CELSR1: variants seen among roughly 807,000 people sequenced by gnomAD.
CELSR1 encodes the protein adhesion G protein-coupled receptor C1.
Under a neutral mutation model 249.1 loss-of-function variants are expected in CELSR1, and 110 were observed. That is an observed-to-expected ratio of 0.44 (90% CI 0.38 to 0.52). The LOEUF is 0.52. CELSR1 is among the 20% of genes least tolerant of loss of function. The pLI is 0.00. For synonymous variants in CELSR1, 2,113 were observed against 1,900.0 expected, an observed-to-expected ratio of 1.11 and a Z score of -2.92; for missense variants, 4,109 against 4,296.4, an observed-to-expected ratio of 0.96 and a Z score of 1.22.
In CELSR1 at chr22:46,372,138, AC is replaced by A. The variant is rs574525119; in HGVS notation, c.7759+744del. On this transcript the variant is annotated intron_variant, in intron 25 of 34. Transcript: ENST00000674500. ...CACTCATTCCTCCATCCACCCATTC[AC>A]CCCCATCCATCCATCATCTACCCAC... Among the ~76,000 whole-genome samples, 51 of 126,920 alleles carry A rather than the reference AC, an allele frequency of 4.0e-4. 1 individual carries two copies. In the South Asian group the frequency reaches 0.014, roughly 34 times the overall value. 83.3% of individuals were successfully genotyped at this position (126,920 alleles called of 152,430 possible).
chr22:46,474,198 G>A (rs1241330164), intron 1 of CELSR1, among the ~76,000 whole-genome samples: 1 of 152,178 alleles, frequency 6.6e-6, no homozygotes, highest in Admixed American at 6.5e-5. Flanking sequence ...GCAGGGCTGG[G>A]GAGAGCAGAG....
At position 46,409,256 on chromosome 22, in the gene CELSR1, C is replaced by A. The variant is rs1026541916; in HGVS notation, c.5060-94G>T. On this transcript the variant is annotated intron_variant, in intron 8 of 34. Transcript: ENST00000674500. This position sits in a 1 kb window ranked among gnomAD's most constrained non-coding sequence, Gnocchi z 9.8. ...GCGGGGGATGGGCCTGCAGGCTAGG[C>A]CTGGGCCTTTTTCACTTTAACACGA... 4 of 1,361,306 alleles carry A rather than the reference C, an allele frequency of 2.9e-6. No individual in the cohort carries two copies. The Admixed American group carries it at 6.8e-5, about 23-fold the overall frequency. The allele number at this position is 1,361,306 out of a possible 1,614,324, so 84.3% of individuals were successfully genotyped here. A position where few individuals can be genotyped will look rare whatever the true frequency, so the allele number is the denominator to read the frequency against.
chr22:46,370,357 G>A (rs1008476208), intron 25 of CELSR1: 12 of 329,732 alleles, frequency 3.6e-5, no homozygotes, highest in African/African-American at 6.5e-5. Flanking sequence ...CACATACCGT[G>A]TGCAGACACG....
chr22:46,513,347 A>T (rs1423409304), intron 1 of CELSR1, among the ~76,000 whole-genome samples: 3 of 152,134 alleles, frequency 2.0e-5, no homozygotes, highest in African/African-American at 7.2e-5. Flanking sequence ...TACAAGTTCA[A>T]AAGCATTCCC....
At position 46,514,082 on chromosome 22, in the gene CELSR1, C is replaced by T. The variant is rs9616030; in HGVS notation, c.3544+19545G>A. On this transcript the variant is annotated intron_variant, in intron 1 of 34. Transcript: ENST00000674500. ...TGCTGGTATTACAGGCACGAGCCAC[C>T]GCACCCGGCCCTCATTTGTAATTTT... Among the ~76,000 whole-genome samples, 818 of 152,258 alleles carry T rather than the reference C, an allele frequency of 5.4e-3. 3 individuals are homozygous for T. Among genetic ancestry groups the T allele is most frequent in the Middle Eastern group, 0.027 (8 of 294 alleles).
In CELSR1 at chr22:46,362,253, T is replaced by G. The variant is rs1044722346; in HGVS notation, c.*970A>C. 1 of 152,230 alleles carries G rather than the reference T, an allele frequency of 6.6e-6. No individual in the cohort carries two copies. Among genetic ancestry groups the G allele is most frequent in the Non-Finnish European group, 1.5e-5 (1 of 68,068 alleles). The allele number at this position is 152,230 out of a possible 1,614,324, so 9.4% of individuals were successfully genotyped here. A position where few individuals can be genotyped will look rare whatever the true frequency, so the allele number is the denominator to read the frequency against. On this transcript the variant is annotated 3_prime_UTR_variant, in exon 35 of 35. Coordinates refer to ENST00000674500, the MANE Select transcript of CELSR1 (RefSeq NM_001378328.1). ...GGGAGGCGGTGAGGGGAGGGGGTGG[T>G]GGTCACAGAATGACCAGGTGAAAAA...
In CELSR1 at chr22:46,437,569, G is replaced by A. The variant is rs2079678269; in HGVS notation, c.4407-1280C>T. On this transcript the variant is annotated intron_variant, in intron 3 of 34. Transcript: ENST00000674500. The surrounding 1 kb of genome is among the most constrained non-coding windows in gnomAD (Gnocchi z 4.9). ...TCAGGTTGACCAGCCTGGCCAACAT[G>A]GTGAAACCCCGTCTCTACTAAAAAT... 6.6e-6 allele frequency among the ~76,000 whole-genome samples: 1 copy of A among 152,130 alleles called. No homozygotes were observed. The highest frequency in any genetic ancestry group is 1.5e-5 in the Non-Finnish European group (1 of 68,020).
chr22:46,501,120 G>A (rs1400915030), intron 1 of CELSR1, among the ~76,000 whole-genome samples: 4 of 150,694 alleles, frequency 2.7e-5, no homozygotes, highest in South Asian at 2.1e-4. Context: ...CGCAACCTTC[G>A]CCTCCCGGGT....
rs935269919 is a variant in CELSR1, at chr22:46,490,147, T to C, written c.3545-25802A>G. ...CACATGTCGACATGGCACTTCTACC[T>C]GGAGTGCATGGGTCCTGCTCTCCTC... On this transcript the variant is annotated intron_variant, in intron 1 of 34. Transcript: ENST00000674500. The surrounding 1 kb of genome is among the most constrained non-coding windows in gnomAD (Gnocchi z 5.2). 5.9e-5 allele frequency among the ~76,000 whole-genome samples: 9 copies of C among 152,250 alleles called. No homozygotes were observed. Among genetic ancestry groups the C allele is most frequent in the Admixed American group, 3.3e-4 (5 of 15,286 alleles).
rs778550213 is a variant in CELSR1 at position 46,534,164 on chromosome 22, C to T, written c.3007G>A (p.Glu1003Lys). 7.4e-6 allele frequency: 12 copies of T among 1,613,790 alleles called. No individual in the cohort carries two copies. In the Admixed American group the frequency reaches 1.0e-4, roughly 13 times the overall value. Residue 1003 changes from glutamate to lysine, a missense_variant, in exon 1 of 35, where the codon GAA becomes AAA. Glu to Lys is a moderately conservative substitution (Grantham distance 56). Coordinates refer to ENST00000674500, the MANE Select transcript of CELSR1 (RefSeq NM_001378328.1). This position sits in a 1 kb window ranked among gnomAD's most constrained non-coding sequence, Gnocchi z 9.7. The part of the protein sequence containing the change: ...NDNAPMFEKD[E>K]LELFVEENNP... ...TTCTCCTCAACAAACAGCTCCAGTT[C>T]GTCCTTCTCAAACATGGGGGCATTG...
Position 46,534,264 on chromosome 22 carries a change from C to A in CELSR1, c.2907G>T (p.Leu969=). ...ENVAVYNLWA[L]AVDRGSPTPL... ...GAGTGGGACTGCCCCGATCCACAGC[C>A]AGAGCCCAAAGGTTGTACACGGCCA... is the stretch of plus-strand genomic sequence containing the variant. Residue 969 remains leucine (L), a synonymous_variant, in exon 1 of 35, where the codon CTG becomes CTT. Transcript: ENST00000674500. The surrounding 1 kb of genome is among the most constrained non-coding windows in gnomAD (Gnocchi z 9.7). 6.2e-7 allele frequency: 1 copy of A among 1,613,466 alleles called. No individual in the cohort carries two copies. The highest frequency in any genetic ancestry group is 1.1e-5 in the South Asian group (1 of 91,084).
At position 46,439,157 on chromosome 22, in the gene CELSR1, C is replaced by A. The variant is rs16994764; in HGVS notation, c.4406+32G>T. ...GAAGCTCGCCCCTTTCCTAAAGAGA[C>A]CCCCGTGTGGCGCGGCGGGACGCAC... On this transcript the variant is annotated intron_variant, in intron 3 of 34. Transcript: ENST00000674500. The A allele has an allele frequency of 6.9e-3, 10,919 of 1,586,174 alleles. 697 individuals are homozygous for A. The African/African-American group carries it at 0.13, about 19-fold the overall frequency.
chr22:46,432,518 G>A (rs1263609273), intron 5 of CELSR1, among the ~76,000 whole-genome samples: 2 of 152,192 alleles, frequency 1.3e-5, no homozygotes, highest in Non-Finnish European at 2.9e-5. Context: ...AGCAAGCGGG[G>A]GCACACCCTG....
intron 1 of CELSR1, among the ~76,000 whole-genome samples, chr22:46,523,078 T>C (rs1257786021): frequency 6.6e-6 from 1 of 152,256 alleles, no homozygotes; most frequent in Admixed American, 6.5e-5. Flanking sequence ...TGCAAGAGCA[T>C]TCTTATCTCC....
rs1479861276 is a variant in CELSR1 at position 46,464,483 on chromosome 22, C to T, written c.3545-138G>A. The stretch of plus-strand genomic sequence containing the variant: ...GGCATCCCCACTCCCCATTCCCCAC[C>T]CATGACCACCACCTTGACCCTTCCT... On this transcript the variant is annotated intron_variant, in intron 1 of 34. Transcript: ENST00000674500. The surrounding 1 kb of genome is among the most constrained non-coding windows in gnomAD (Gnocchi z 8.5). 37 of 844,910 alleles carry T rather than the reference C, an allele frequency of 4.4e-5. No homozygotes were observed. The highest frequency in any genetic ancestry group is 6.3e-5 in the Non-Finnish European group (35 of 557,068). 52.3% of individuals were successfully genotyped at this position (844,910 alleles called of 1,614,324 possible).
chr22:46,453,259 T>C (rs576250922), intron 2 of CELSR1, among the ~76,000 whole-genome samples: 1 of 152,172 alleles, frequency 6.6e-6, no homozygotes, highest in South Asian at 2.1e-4. Context: ...CCGTGCCAAC[T>C]ACGAACAGCA....
At position 46,535,193 on chromosome 22, in the gene CELSR1, C is replaced by T. The variant is rs757954187; in HGVS notation, c.1978G>A (p.Val660Met). ...VEHYSFGVEA[V>M]DHGSPPMSSS... ...CTCATGGGGGGCGAGCCGTGGTCCA[C>T]CGCCTCCACCCCGAAGCTGTAGTGC... Residue 660 changes from valine (V) to methionine (M), a missense_variant, in exon 1 of 35, where the codon GTG (valine) becomes ATG (methionine). Around this residue, in one of 7 missense-constraint regions of CELSR1, gnomAD observed 886 missense variants for 896.5 expected, o/e 0.99. Transcript: ENST00000674500. 82 of 1,608,916 alleles carry T rather than the reference C, an allele frequency of 5.1e-5. No homozygotes were observed. In the South Asian group the frequency reaches 8.0e-4, roughly 16 times the overall value.
chr22:46,432,363 A>T (rs989970895), intron 5 of CELSR1, among the ~76,000 whole-genome samples: 1 of 152,192 alleles, frequency 6.6e-6, no homozygotes, highest in Non-Finnish European at 1.5e-5. Context: ...TCTCCATAGA[A>T]GGACTGGGTC....
intron 2 of CELSR1, among the ~76,000 whole-genome samples, chr22:46,439,953 C>T (rs1237980444): frequency 3.9e-5 from 6 of 152,060 alleles, no homozygotes; most frequent in South Asian, 2.1e-4. Context: ...ACAGACCCCT[C>T]GCACTGTCTG....
Sources: gnomAD v4.1 joint callset for allele counts (sites outside exome capture counted in the v4.1 genomes callset) on GRCh38, gnomAD v4.1.1 for gene constraint, gnomAD v4.1.1 regional missense constraint, Gnocchi (gnomAD v3.1) non-coding constraint, MANE v1.5 for transcripts, NCBI Gene and HGNC (gene_info 2026-07-23, HGNC 2026-07-21) for gene names.